The following SDCCAG8 variants were observed in gnomAD, a reference collection of about 807,000 sequenced individuals.
The protein encoded by SDCCAG8 is SHH signaling and ciliogenesis regulator SDCCAG8, also known as serologically defined colon cancer antigen 8.
SDCCAG8 carries 74 observed loss-of-function variants against 101.8 expected under a neutral mutation model. That is an observed-to-expected ratio of 0.73 (90% CI 0.60 to 0.88). SDCCAG8 has a LOEUF of 0.88. Among genes scored for constraint, SDCCAG8 ranks in the 40% least tolerant of loss-of-function variants. SDCCAG8 has a pLI of 0.00. For synonymous variants in SDCCAG8, 281 were observed against 292.9 expected, an observed-to-expected ratio of 0.96 and a Z score of 0.41; for missense variants, 787 against 822.6, an observed-to-expected ratio of 0.96 and a Z score of 0.53.
chr1:243,384,157 A>AT (rs1054990883), intron 13 of SDCCAG8, among the ~76,000 whole-genome samples: 3 of 152,292 alleles, frequency 2.0e-5, no homozygotes, highest in African/African-American at 7.2e-5. Flanking sequence ...TGTACTTGCT[A>AT]TTTTTTGCTT....
intron 16 of SDCCAG8, among the ~76,000 whole-genome samples, chr1:243,427,673 A>G (rs1257701092): frequency 1.3e-5 from 2 of 152,076 alleles, no homozygotes; most frequent in Non-Finnish European, 2.9e-5. Flanking sequence ...TAAAGTAAGC[A>G]TATTAGCCTG....
chr1:243,459,570 G>A (rs1402428534), intron 16 of SDCCAG8, among the ~76,000 whole-genome samples: 2 of 152,168 alleles, frequency 1.3e-5, no homozygotes, highest in Non-Finnish European at 2.9e-5. Context: ...TTGGAAGAGT[G>A]GGAATGGAAG....
chr1:243,496,267 G>C (rs1169462651), intron 17 of SDCCAG8, among the ~76,000 whole-genome samples: 1 of 152,224 alleles, frequency 6.6e-6, no homozygotes, highest in Non-Finnish European at 1.5e-5. Flanking sequence ...ACCCGAGCGG[G>C]TGCGGGCGGA....
chr1:243,424,933 A>G (rs866772318), intron 15 of SDCCAG8, among the ~76,000 whole-genome samples: 1 of 151,460 alleles, frequency 6.6e-6, no homozygotes, highest in Non-Finnish European at 1.5e-5. Flanking sequence ...TCTTCTTTTG[A>G]AATTTATTTT....
At chr1:243,320,969 C>A (rs1469362117) in intron 9 of SDCCAG8, among the ~76,000 whole-genome samples, 2 of 152,138 alleles carry the variant, frequency 1.3e-5, no homozygotes, top group African/African-American at 4.8e-5. Context: ...TCGATGTACC[C>A]TTTATATGCC....
intron 4 of SDCCAG8, among the ~76,000 whole-genome samples, chr1:243,282,009 A>G (rs1287379538): frequency 6.6e-6 from 1 of 151,914 alleles, no homozygotes; most frequent in Non-Finnish European, 1.5e-5. Flanking sequence ...TTGGAGACAG[A>G]GTCTCTCTCA....
intron 13 of SDCCAG8, among the ~76,000 whole-genome samples, chr1:243,388,836 G>A (rs2078497189): frequency 6.7e-6 from 1 of 149,646 alleles, no homozygotes. Context: ...GCGTGCCTGG[G>A]TCCTGGCTAT....
chr1:243,344,855 G>T (rs891821342), intron 12 of SDCCAG8, among the ~76,000 whole-genome samples: 1 of 152,122 alleles, frequency 6.6e-6, no homozygotes, highest in Non-Finnish European at 1.5e-5. Flanking sequence ...TAAAAGCTGC[G>T]TACTTTAATT....
intron 9 of SDCCAG8, among the ~76,000 whole-genome samples, chr1:243,321,534 A>G (rs1484313385): frequency 6.6e-6 from 1 of 152,246 alleles, no homozygotes; most frequent in Non-Finnish European, 1.5e-5. Flanking sequence ...TTCCAGCTAC[A>G]TCTATGTTGC....
intron 12 of SDCCAG8, among the ~76,000 whole-genome samples, chr1:243,348,827 A>G (rs2075906292): frequency 6.6e-6 from 1 of 151,324 alleles, no homozygotes. Flanking sequence ...ACAAAAAAAA[A>G]AAAAAAAAAT....
At chr1:243,402,704 A>G (rs1032252209) in intron 13 of SDCCAG8, among the ~76,000 whole-genome samples, 16 of 152,172 alleles carry the variant, frequency 1.1e-4, no homozygotes, top group South Asian at 2.1e-4. Flanking sequence ...GCTTTCCCAC[A>G]ATGCCCAGCA....
chr1:243,270,928 A>G (rs2068030777), intron 2 of SDCCAG8, 50 bp from the exon 3 acceptor site: 1 of 1,360,344 alleles, frequency 7.4e-7, no homozygotes, highest in South Asian at 1.2e-5. Context: ...GGTGGTAAGA[A>G]ACCATGGATC....
At chr1:243,344,184 G>A (rs2075559771) in intron 11 of SDCCAG8, 31 bp from the exon 12 acceptor site, 34 of 1,551,528 alleles carry the variant, frequency 2.2e-5, no homozygotes, top group Non-Finnish European at 3.0e-5. Flanking sequence ...GATTCCAGCA[G>A]GTAATCATCC....
chr1:243,400,831 T>A (rs964539321), intron 13 of SDCCAG8, among the ~76,000 whole-genome samples: 1 of 152,162 alleles, frequency 6.6e-6, no homozygotes, highest in African/African-American at 2.4e-5. Context: ...TTAGGCAATC[T>A]CCTGCCAGGA....
At chr1:243,278,760 T>C (rs1486112911) in intron 4 of SDCCAG8, among the ~76,000 whole-genome samples, 1 of 152,076 alleles carries the variant, frequency 6.6e-6, no homozygotes, top group African/African-American at 2.4e-5. Flanking sequence ...ATTTAGATTT[T>C]GTGTTTTTTA....
At chr1:243,322,180 TAAGAA>T (rs2073812083) in intron 9 of SDCCAG8, among the ~76,000 whole-genome samples, 2 of 152,194 alleles carry the variant, frequency 1.3e-5, no homozygotes, top group African/African-American at 4.8e-5. Context: ...CACTGGCTTT[TAAGAA>T]AAGAAAAGGC....
chr1:243,455,933 C>T (rs140008600), intron 16 of SDCCAG8, among the ~76,000 whole-genome samples: 272 of 152,306 alleles, frequency 1.8e-3, no homozygotes, highest in Middle Eastern at 0.01. Context: ...GGTTGGGCAT[C>T]GCTGTGGCCC....
At chr1:243,387,217 T>C (rs2078361790) in intron 13 of SDCCAG8, among the ~76,000 whole-genome samples, 1 of 152,222 alleles carries the variant, frequency 6.6e-6, no homozygotes, top group South Asian at 2.1e-4. Flanking sequence ...AACTGCTTAC[T>C]GAGACATTCT....
chr1:243,325,833 A>G (rs2074108097), intron 9 of SDCCAG8, among the ~76,000 whole-genome samples: 1 of 152,238 alleles, frequency 6.6e-6, no homozygotes, highest in South Asian at 2.1e-4. Flanking sequence ...TAGGTGCTCA[A>G]TAAATATTTT....
Sources: gnomAD v4.1 joint callset for allele counts (sites outside exome capture counted in the v4.1 genomes callset) on GRCh38, gnomAD v4.1.1 for gene constraint, MANE v1.5 for transcripts, NCBI Gene and HGNC (gene_info 2026-07-23, HGNC 2026-07-21) for gene names.